Variants in SCN1A observed in about 807,000 individuals in gnomAD.
SCN1A encodes the protein sodium channel protein type 1 subunit alpha.
Under a neutral mutation model 193.7 loss-of-function variants are expected in SCN1A, and 13 were observed. That is an observed-to-expected ratio of 0.07 (90% confidence interval 0.04 to 0.11). The LOEUF is 0.11. SCN1A is among the 10% of genes least tolerant of loss of function. The pLI, the probability that SCN1A is intolerant of heterozygous loss-of-function variation, is 1.00. For synonymous variants in SCN1A, 781 were observed against 843.6 expected, an observed-to-expected ratio of 0.93 and a Z score of 1.29; for missense variants, 1,432 against 2,451.1, an observed-to-expected ratio of 0.58 and a Z score of 8.78.
intron 2 of SCN1A, among the ~76,000 whole-genome samples, chr2:166,116,169 T>TAGAG (rs1689838922): frequency 6.6e-6 from 1 of 152,088 alleles, no homozygotes; most frequent in African/African-American, 2.4e-5. Flanking sequence ...TCTTAAAAAG[T>TAGAG]AGAGATGTGG....
chr2:166,045,064 C>A lies in SCN1A; in HGVS notation c.1641G>T (p.Lys547Asn), dbSNP rs550770894. The change falls in exon 13 of 29, where the codon AAG (lysine) becomes AAT (asparagine). Residue 547 changes from lysine to asparagine, a missense_variant. Around this residue, in one of 18 missense-constraint regions of SCN1A, gnomAD observed 316 missense variants for 362.1 expected, o/e 0.87. Coordinates refer to ENST00000674923, the MANE Select transcript of SCN1A (RefSeq NM_001165963.4). ...SIEGNRLTYEKRYSSPHQSLL... is the reference protein window; with the variant it reads ...SIEGNRLTYENRYSSPHQSLL... ...ATACCTGGTGTGGGGAGGAGTACCT[C>A]TTTTCATATGTCAATCGGTTCCCTT... The A allele has an allele frequency of 3.1e-6, 5 of 1,614,166 alleles. No individual in the cohort carries two copies. In the African/African-American group the frequency reaches 4.0e-5, roughly 13 times the overall value.
rs895714483 is a variant in SCN1A at position 165,992,508 on chromosome 2, G to C, written c.4853-86C>G. ...GTTTCTTCTAAAGCTCCAAGGTAAG[G>C]TTCAGAGTCCTGAACCCAGTTATAT... is the stretch of plus-strand genomic sequence containing the variant. On this transcript the variant is annotated intron_variant, in intron 28 of 28. Transcript: ENST00000674923. This position sits in a 1 kb window ranked among gnomAD's most constrained non-coding sequence, Gnocchi z 6.5. 1.4e-6 allele frequency: 2 copies of C among 1,472,532 alleles called. No homozygotes were observed. Among genetic ancestry groups the C allele is most frequent in the African/African-American group, 2.8e-5 (2 of 71,760 alleles). 91.2% of individuals were successfully genotyped at this position (1,472,532 alleles called of 1,614,324 possible).
intron 2 of SCN1A, among the ~76,000 whole-genome samples, chr2:166,108,573 G>A (rs1404404483): frequency 1.3e-5 from 2 of 152,052 alleles, no homozygotes; most frequent in African/African-American, 4.8e-5. Flanking sequence ...CCATTAGCTG[G>A]TAAATGGATA....
intron 2 of SCN1A, among the ~76,000 whole-genome samples, chr2:166,083,902 T>C (rs1188628070): frequency 6.6e-6 from 1 of 152,156 alleles, no homozygotes; most frequent in East Asian, 1.9e-4. Context: ...AAATAAGTAA[T>C]CTTATTGTGT....
chr2:166,124,239 CT>C (rs199847499), intron 2 of SCN1A, among the ~76,000 whole-genome samples: 526 of 143,964 alleles, frequency 3.7e-3, no homozygotes, highest in East Asian at 0.011. Context: ...TACAGGAGAG[CT>C]TTTTTTTTTT....
intron 21 of SCN1A, 124 bp downstream of exon 21, chr2:166,013,620 A>G: frequency 2.5e-6 from 2 of 812,022 alleles, no homozygotes; most frequent in Non-Finnish European, 4.1e-6. Flanking sequence ...TCTATAGAAG[A>G]TACAAGGTGG....
chr2:166,088,254 GT>G (rs145444555), intron 2 of SCN1A, among the ~76,000 whole-genome samples: 5,211 of 152,020 alleles, frequency 0.034, 318 homozygotes, highest in African/African-American at 0.12. Context: ...TTTAAAGATA[GT>G]TTTGGTACAT....
chr2:166,051,031 A>C (rs1407045471), intron 9 of SCN1A, among the ~76,000 whole-genome samples: 2 of 151,974 alleles, frequency 1.3e-5, no homozygotes, highest in Non-Finnish European at 2.9e-5. Flanking sequence ...TTACATTTGC[A>C]TAGTATTGTA....
chr2:166,123,222 GCAA>G (rs1690805882), intron 2 of SCN1A, among the ~76,000 whole-genome samples: 1 of 49,768 alleles, frequency 2.0e-5, no homozygotes, highest in African/African-American at 8.6e-5. Context: ...TCATTCATTT[GCAA>G]AAAAAAAAAA....
chr2:166,058,015 G>T (rs1321389951), intron 5 of SCN1A, among the ~76,000 whole-genome samples: 1 of 151,994 alleles, frequency 6.6e-6, no homozygotes, highest in African/African-American at 2.4e-5. Context: ...ACTTGAATTT[G>T]AAATTCAGCC....
At position 166,047,699 on chromosome 2, in the gene SCN1A, A is replaced by G. The variant is rs121917958; in HGVS notation, c.1098T>C (p.Asp366=). The change falls in exon 11 of 29, where the codon GAT becomes GAC. Residue 366 remains aspartate (D), a synonymous_variant. Coordinates refer to ENST00000674923, the MANE Select transcript of SCN1A (RefSeq NM_001165963.4). ...AGGACAAAAAAGCCCAACTGAAGGT[A>G]TCAAAGCTTGTGTAGCCATAATTGG... ...RNPNYGYTSF[D]TFSWAFLSLF... 6.2e-7 allele frequency: 1 copy of G among 1,613,724 alleles called. No homozygotes were observed. The highest frequency in any genetic ancestry group is 2.2e-5 in the East Asian group (1 of 44,850).
intron 2 of SCN1A, among the ~76,000 whole-genome samples, chr2:166,103,696 G>A (rs1211856343): frequency 6.6e-6 from 1 of 152,042 alleles, no homozygotes; most frequent in African/African-American, 2.4e-5. Context: ...TGTGAGGCAT[G>A]TAAAATTAAT....
intron 23 of SCN1A, among the ~76,000 whole-genome samples, chr2:166,003,711 A>G (rs867947254): frequency 6.6e-6 from 1 of 151,592 alleles, no homozygotes; most frequent in African/African-American, 2.4e-5. Flanking sequence ...AAATGCTTAT[A>G]AGGGGCAGCT....
chr2:166,105,354 G>T (rs1688569342), intron 2 of SCN1A, among the ~76,000 whole-genome samples: 2 of 152,192 alleles, frequency 1.3e-5, no homozygotes, highest in Non-Finnish European at 2.9e-5. Flanking sequence ...TTTGCCAATA[G>T]AAGTGAAACA....
intron 1 of SCN1A, among the ~76,000 whole-genome samples, chr2:166,145,411 A>T (rs1287939877): frequency 6.6e-6 from 1 of 152,138 alleles, no homozygotes; most frequent in Admixed American, 6.6e-5. Flanking sequence ...TTTTAACAGA[A>T]ATATAGCTAC....
At chr2:165,998,683 A>G (rs1374003714) in intron 25 of SCN1A, among the ~76,000 whole-genome samples, 1 of 151,312 alleles carries the variant, frequency 6.6e-6, no homozygotes, top group African/African-American at 2.4e-5. Context: ...ATAAATCCTC[A>G]GTTGATTATT....
chr2:166,086,259 AC>A (rs774990995), intron 2 of SCN1A, among the ~76,000 whole-genome samples: 34 of 152,070 alleles, frequency 2.2e-4, no homozygotes, highest in Admixed American at 3.9e-4. Context: ...ACATGGACCA[AC>A]CACCTGACAC....
chr2:166,054,495 T>C (rs1490308787), intron 7 of SCN1A, 143 bp downstream of exon 7: 10 of 844,864 alleles, frequency 1.2e-5, no homozygotes, highest in Admixed American at 2.4e-5. Context: ...TAGACCTTTG[T>C]TGTGCTAAAT....
Position 166,115,535 on chromosome 2 carries a change from A to G in SCN1A, c.-142+11389T>C, listed in dbSNP as rs560716689. Among the ~76,000 whole-genome samples, 31 of 152,320 alleles carry G rather than the reference A, an allele frequency of 2.0e-4. No individual in the cohort carries two copies. The South Asian group carries it at 2.1e-3, about 10-fold the overall frequency. The stretch of plus-strand genomic sequence containing the variant: ...AGTATATATAAGTAGTTCAATACTC[A>G]TAGTATATATGAGTTTAGAATAGGA... On this transcript the variant is annotated intron_variant, in intron 2 of 28. Transcript: ENST00000674923.
Sources: gnomAD v4.1 joint callset for allele counts (sites outside exome capture counted in the v4.1 genomes callset) on GRCh38, gnomAD v4.1.1 for gene constraint, gnomAD v4.1.1 regional missense constraint, Gnocchi (gnomAD v3.1) non-coding constraint, MANE v1.5 for transcripts, NCBI Gene and HGNC (gene_info 2026-07-23, HGNC 2026-07-21) for gene names.